Variants in PCDHGB5 observed in about 807,000 individuals in gnomAD.
PCDHGB5 encodes the protein protocadherin gamma subfamily B, 5, also known as protocadherin gamma-B5.
A neutral mutation model predicts 62.9 loss-of-function variants in PCDHGB5; 48 were observed. That is an observed-to-expected ratio of 0.76 (90% CI 0.61 to 0.97). The LOEUF (loss-of-function observed/expected upper bound fraction) is 0.97. Ranked by LOEUF, PCDHGB5 falls within the 50% of genes least tolerant of loss-of-function variation. The pLI is 0.00. For missense variants in PCDHGB5, 1,118 were observed against 1,198.6 expected (o/e 0.93, Z 0.99); for synonymous variants, 474 against 511.2 (o/e 0.93, Z 0.98).
chr5:141,417,824 G>A (rs2096165363), intron 1 of PCDHGB5: 4 of 1,518,120 alleles, frequency 2.6e-6, no homozygotes, highest in Non-Finnish European at 3.5e-6. Context: ...TTCTCCAACT[G>A]GAAAAGCGGG....
In PCDHGB5 at chr5:141,410,321, G is replaced by A. The variant is rs749017304; in HGVS notation, c.2397+9797G>A. ...AATCTCAGTGCTCTTCCTCCTCGCC[G>A]TGATTCTGGCCATTGCCTTGCGCCT... On this transcript the variant is annotated intron_variant, in intron 1 of 3. Transcript: ENST00000617380. The A allele has an allele frequency of 3.7e-6, 6 of 1,613,842 alleles. No homozygotes were observed. The East Asian group carries it at 1.1e-4, about 30-fold the overall frequency.
Position 141,417,842 on chromosome 5 carries a change from C to A in PCDHGB5, c.2397+17318C>A, listed in dbSNP as rs1247720013. 3 of 1,537,164 alleles carry A rather than the reference C, an allele frequency of 2.0e-6. No homozygotes were observed. The South Asian group carries it at 3.6e-5, about 19-fold the overall frequency. Reference sequence around the variant, plus strand: ...TCCAACTGGAAAAGCGGGGACCCAGCGAGAACCCGAGCGAACGATGGGAGG... The same window carrying A: ...TCCAACTGGAAAAGCGGGGACCCAGAGAGAACCCGAGCGAACGATGGGAGG... On this transcript the variant is annotated intron_variant, in intron 1 of 3. Transcript: ENST00000617380.
rs758579068 is a variant in PCDHGB5, at chr5:141,485,232, T to C, written c.2398-9575T>C. 6.2e-7 allele frequency: 1 copy of C among 1,614,136 alleles called. No individual in the cohort carries two copies. The highest frequency in any genetic ancestry group is 8.5e-7 in the Non-Finnish European group (1 of 1,180,016). Reference sequence around the variant, plus strand: ...TGGCGGTGGGCTACCCTTTTGTTCCTCTTTTACCACCTGGGTTACGTTTGT... The same window carrying C: ...TGGCGGTGGGCTACCCTTTTGTTCCCCTTTTACCACCTGGGTTACGTTTGT... On this transcript the variant is annotated intron_variant, in intron 1 of 3. Coordinates refer to ENST00000617380, the MANE Select transcript of PCDHGB5 (RefSeq NM_018925.3). This position sits in a 1 kb window ranked among gnomAD's most constrained non-coding sequence, Gnocchi z 5.7.
chr5:141,414,271 C>T (rs1561747971), intron 1 of PCDHGB5: 3 of 1,613,292 alleles, frequency 1.9e-6, no homozygotes, highest in East Asian at 2.2e-5. Context: ...AGATTCACCT[C>T]TGGGAACAGT....
chr5:141,407,651 G>A (rs1005294855), intron 1 of PCDHGB5, among the ~76,000 whole-genome samples: 1 of 151,926 alleles, frequency 6.6e-6, no homozygotes, highest in African/African-American at 2.4e-5. Flanking sequence ...AATAATGGGG[G>A]AGCGCAGTAT....
chr5:141,461,647 C>T (rs1242234255), intron 1 of PCDHGB5, among the ~76,000 whole-genome samples: 3 of 152,006 alleles, frequency 2.0e-5, no homozygotes, highest in Non-Finnish European at 4.4e-5. Context: ...TTCTTTGACC[C>T]ATGGATTATT....
chr5:141,423,503 C>T (rs1225012888), intron 1 of PCDHGB5: 2 of 1,613,984 alleles, frequency 1.2e-6, no homozygotes, highest in South Asian at 2.2e-5. Context: ...CACGAGGTCT[C>T]TCTCATTGCG....
rs1233637152 is a variant in PCDHGB5 at position 141,432,543 on chromosome 5, A to G, written c.2397+32019A>G. ...CTGGTGACCAAGGTGGTGGCGGTGGACAGAGACTCCGGCCAGAACGCCTGG... is the reference window on the plus strand; with the variant it reads ...CTGGTGACCAAGGTGGTGGCGGTGGGCAGAGACTCCGGCCAGAACGCCTGG... On this transcript the variant is annotated intron_variant, in intron 1 of 3. Transcript: ENST00000617380. This position sits in a 1 kb window ranked among gnomAD's most constrained non-coding sequence, Gnocchi z 6.0. 3 of 1,613,678 alleles carry G rather than the reference A, an allele frequency of 1.9e-6. No individual in the cohort carries two copies. In the African/African-American group the frequency reaches 4.0e-5, roughly 22 times the overall value.
chr5:141,405,770 G>T (rs989163026), intron 1 of PCDHGB5, among the ~76,000 whole-genome samples: 1 of 152,032 alleles, frequency 6.6e-6, no homozygotes. Context: ...GAGCCACTGC[G>T]CCTGGCCCTT....
intron 2 of PCDHGB5, among the ~76,000 whole-genome samples, chr5:141,502,654 C>G (rs1424933188): frequency 6.6e-6 from 1 of 152,112 alleles, no homozygotes; most frequent in African/African-American, 2.4e-5. Context: ...TAGGCAGCAA[C>G]CCTTCATGCA....
intron 2 of PCDHGB5, among the ~76,000 whole-genome samples, chr5:141,495,550 G>A (rs999176899): frequency 6.6e-6 from 1 of 151,958 alleles, no homozygotes; most frequent in Non-Finnish European, 1.5e-5. Context: ...TCTCTATCTC[G>A]CTTTGCAATC....
At chr5:141,410,764 A>G (rs1288407043) in intron 1 of PCDHGB5, 2 of 1,105,068 alleles carry the variant, frequency 1.8e-6, no homozygotes, top group African/African-American at 1.6e-5. Context: ...TTTTTCAATT[A>G]TAGTTTTCAC....
At chr5:141,460,177 T>C (rs1021646181) in intron 1 of PCDHGB5, among the ~76,000 whole-genome samples, 13 of 152,138 alleles carry the variant, frequency 8.5e-5, no homozygotes, top group African/African-American at 3.1e-4. Context: ...TTGTGGATAT[T>C]TTATCCCAGA....
chr5:141,466,683 A>G (rs1347308492), intron 1 of PCDHGB5, among the ~76,000 whole-genome samples: 1 of 152,170 alleles, frequency 6.6e-6, no homozygotes, highest in African/African-American at 2.4e-5. Context: ...CTTCCACTCA[A>G]GCTTCATCAT....
intron 1 of PCDHGB5, among the ~76,000 whole-genome samples, chr5:141,472,980 C>CAAAAA (rs60579131): frequency 1.7e-4 from 15 of 86,092 alleles, no homozygotes; most frequent in East Asian, 4.1e-4. Context: ...GAGTGAAACT[C>CAAAAA]AAAAAAAAAA....
At position 141,476,002 on chromosome 5, in the gene PCDHGB5, C is replaced by A; in HGVS notation, c.2398-18805C>A. 1 of 1,247,396 alleles carries A rather than the reference C, an allele frequency of 8.0e-7. No individual in the cohort carries two copies. Among genetic ancestry groups the A allele is most frequent in the Non-Finnish European group, 1.1e-6 (1 of 904,880 alleles). 77.3% of individuals were successfully genotyped at this position (1,247,396 alleles called of 1,614,324 possible). ...AGCCGGCGAGCAAATCAACGGCATC[C>A]AGAAAGCCATGTCGGACTCGGCGCC... On this transcript the variant is annotated intron_variant, in intron 1 of 3. Transcript: ENST00000617380. This position sits in a 1 kb window ranked among gnomAD's most constrained non-coding sequence, Gnocchi z 7.6.
intron 1 of PCDHGB5, chr5:141,420,156 AT>A (rs755916873): frequency 6.2e-7 from 1 of 1,613,990 alleles, no homozygotes; most frequent in African/African-American, 1.3e-5. Flanking sequence ...CCAGAATTTA[AT>A]TTTTTCACAT....
In PCDHGB5 at chr5:141,431,317, C is replaced by G; in HGVS notation, c.2397+30793C>G. 2 of 1,614,082 alleles carry G rather than the reference C, an allele frequency of 1.2e-6. No homozygotes were observed. The highest frequency in any genetic ancestry group is 1.7e-6 in the Non-Finnish European group (2 of 1,180,038). On this transcript the variant is annotated intron_variant, in intron 1 of 3. Transcript: ENST00000617380. The surrounding 1 kb of genome is among the most constrained non-coding windows in gnomAD (Gnocchi z 4.8). ...TCTCCCTCATCGTGCAAAATGGAGC[C>G]GACGGTAGTAAGTACCCCGAATTGG...
intron 1 of PCDHGB5, among the ~76,000 whole-genome samples, chr5:141,435,500 A>G (rs896915416): frequency 6.6e-6 from 1 of 152,176 alleles, no homozygotes; most frequent in African/African-American, 2.4e-5. Context: ...TCCTACACTA[A>G]TGATACTAAT....
Sources: gnomAD v4.1 joint callset for allele counts (sites outside exome capture counted in the v4.1 genomes callset) on GRCh38, gnomAD v4.1.1 for gene constraint, Gnocchi (gnomAD v3.1) non-coding constraint, MANE v1.5 for transcripts, NCBI Gene and HGNC (gene_info 2026-07-23, HGNC 2026-07-21) for gene names.